The following CCDC85A variants were observed in gnomAD, a reference collection of about 807,000 sequenced individuals.
CCDC85A encodes the protein coiled-coil domain containing 85A, also known as coiled-coil domain-containing protein 85A.
CCDC85A carries 38 observed loss-of-function variants against 50.2 expected under a neutral mutation model. That is an observed-to-expected ratio of 0.76 (90% CI 0.58 to 0.99). The LOEUF (loss-of-function observed/expected upper bound fraction) is 0.99. Ranked by LOEUF, CCDC85A falls within the 50% of genes least tolerant of loss-of-function variation. The pLI is 0.00. For missense variants in CCDC85A, 820 were observed against 742.0 expected (o/e 1.11, Z -1.22); for synonymous variants, 366 against 301.4 (o/e 1.21, Z -2.22).
At chr2:56,219,957 A>G (rs1442066964) in intron 2 of CCDC85A, among the ~76,000 whole-genome samples, 1 of 152,014 alleles carries the variant, frequency 6.6e-6, no homozygotes. Flanking sequence ...AGATAAGTGC[A>G]GTGATCTATG....
intron 2 of CCDC85A, among the ~76,000 whole-genome samples, chr2:56,298,532 T>A (rs958045203): frequency 6.6e-6 from 1 of 152,218 alleles, no homozygotes; most frequent in Admixed American, 6.6e-5. Context: ...CAAGAAATTC[T>A]TAAGAAAAAA....
intron 2 of CCDC85A, among the ~76,000 whole-genome samples, chr2:56,340,513 C>T (rs983239547): frequency 5.9e-5 from 9 of 152,042 alleles, no homozygotes; most frequent in Admixed American, 2.6e-4. Flanking sequence ...GCCCCTAATT[C>T]GACTGAGGGG....
intron 3 of CCDC85A, among the ~76,000 whole-genome samples, chr2:56,368,761 C>G (rs146133311): frequency 6.6e-6 from 1 of 151,508 alleles, no homozygotes; most frequent in African/African-American, 2.4e-5. Flanking sequence ...CAGTATTACT[C>G]TATTGAATGT....
Position 56,258,869 on chromosome 2 carries a change from A to C in CCDC85A, c.1240+65429A>C, listed in dbSNP as rs186403566. ...GGAGGACTTCCAGTTGGATTTCTTC[A>C]ATCTTCTCTGTAAAATATGGAATGA... On this transcript the variant is annotated intron_variant, in intron 2 of 5. Coordinates refer to ENST00000407595, the MANE Select transcript of CCDC85A (RefSeq NM_001080433.2). Among the ~76,000 whole-genome samples the C allele has an allele frequency of 5.2e-3, 789 of 152,330 alleles. 6 individuals are homozygous for C. The highest frequency in any genetic ancestry group is 0.017 in the Middle Eastern group (5 of 294).
At chr2:56,239,561 C>G (rs1341550152) in intron 2 of CCDC85A, among the ~76,000 whole-genome samples, 2 of 152,106 alleles carry the variant, frequency 1.3e-5, no homozygotes, top group African/African-American at 2.4e-5. Context: ...CAGAGGCACA[C>G]TATTTACTTG....
At chr2:56,368,788 G>A (rs908717656) in intron 3 of CCDC85A, among the ~76,000 whole-genome samples, 1 of 148,404 alleles carries the variant, frequency 6.7e-6, no homozygotes, top group African/African-American at 2.5e-5. Flanking sequence ...TAGTCAATTG[G>A]AAATATTTAT....
intron 2 of CCDC85A, among the ~76,000 whole-genome samples, chr2:56,248,478 G>A (rs1669607532): frequency 2.6e-5 from 4 of 152,104 alleles, no homozygotes; most frequent in South Asian, 4.1e-4. Context: ...CTGCCTTGTG[G>A]CTGGCCTATC....
chr2:56,207,936 A>G (rs1286298806), intron 2 of CCDC85A, among the ~76,000 whole-genome samples: 2 of 152,182 alleles, frequency 1.3e-5, no homozygotes. Flanking sequence ...CTCTTTGGAC[A>G]TAATTCATGT....
At chr2:56,198,457 T>G (rs1676612541) in intron 2 of CCDC85A, among the ~76,000 whole-genome samples, 1 of 152,228 alleles carries the variant, frequency 6.6e-6, no homozygotes, top group African/African-American at 2.4e-5. Flanking sequence ...ATACTGTAAT[T>G]TGGTAACCTT....
At chr2:56,335,725 C>G (rs1674039422) in intron 2 of CCDC85A, among the ~76,000 whole-genome samples, 1 of 151,662 alleles carries the variant, frequency 6.6e-6, no homozygotes, top group Admixed American at 6.6e-5. Flanking sequence ...CCTCAGCCTC[C>G]TGAGTAGCTG....
At chr2:56,323,300 TAAAA>T (rs986732534) in intron 2 of CCDC85A, among the ~76,000 whole-genome samples, 2 of 151,602 alleles carry the variant, frequency 1.3e-5, no homozygotes, top group African/African-American at 2.4e-5. Flanking sequence ...AAATAAAAAA[TAAAA>T]AAAGAACTCA....
chr2:56,246,220 G>A (rs1156901459), intron 2 of CCDC85A, among the ~76,000 whole-genome samples: 2 of 152,170 alleles, frequency 1.3e-5, no homozygotes, highest in African/African-American at 2.4e-5. Flanking sequence ...CACCACGCCC[G>A]GCCCAAGTTA....
At chr2:56,262,353 G>A (rs1335813553) in intron 2 of CCDC85A, among the ~76,000 whole-genome samples, 3 of 152,144 alleles carry the variant, frequency 2.0e-5, no homozygotes, top group Admixed American at 2.0e-4. Flanking sequence ...GAATAATAAG[G>A]TTCATGCATA....
intron 2 of CCDC85A, among the ~76,000 whole-genome samples, chr2:56,257,228 G>C (rs1670022949): frequency 6.6e-6 from 1 of 152,120 alleles, no homozygotes; most frequent in Non-Finnish European, 1.5e-5. Context: ...CACTGTGTTG[G>C]GGAGATGGTG....
At chr2:56,262,354 T>G (rs1387854411) in intron 2 of CCDC85A, among the ~76,000 whole-genome samples, 1 of 152,154 alleles carries the variant, frequency 6.6e-6, no homozygotes, top group Non-Finnish European at 1.5e-5. Flanking sequence ...AATAATAAGG[T>G]TCATGCATAA....
chr2:56,226,637 A>G (rs1302293981), intron 2 of CCDC85A, among the ~76,000 whole-genome samples: 2 of 151,932 alleles, frequency 1.3e-5, no homozygotes, highest in Admixed American at 1.3e-4. Flanking sequence ...GAACCTTGGT[A>G]TTATGAATTT....
At chr2:56,316,617 T>G in intron 2 of CCDC85A, among the ~76,000 whole-genome samples, 1 of 152,182 alleles carries the variant, frequency 6.6e-6, no homozygotes. Flanking sequence ...CCATCTGCCC[T>G]ATCAGTTGAA....
intron 1 of CCDC85A, among the ~76,000 whole-genome samples, chr2:56,185,947 T>A (rs1676015245): frequency 6.6e-6 from 1 of 152,196 alleles, no homozygotes. Flanking sequence ...AGGCACAAGC[T>A]GTTCTTTTCC....
chr2:56,311,012 C>A (rs968082219), intron 2 of CCDC85A, among the ~76,000 whole-genome samples: 7 of 152,156 alleles, frequency 4.6e-5, no homozygotes, highest in Admixed American at 4.6e-4. Context: ...TTGATATTCA[C>A]ATTTCCCCTA....
Sources: gnomAD v4.1 joint callset for allele counts (sites outside exome capture counted in the v4.1 genomes callset) on GRCh38, gnomAD v4.1.1 for gene constraint, MANE v1.5 for transcripts, NCBI Gene and HGNC (gene_info 2026-07-23, HGNC 2026-07-21) for gene names.